The following C17orf113 variants were observed in gnomAD, a reference collection of about 807,000 sequenced individuals.
The protein encoded by C17orf113 is uncharacterized protein C17orf113.
A neutral mutation model predicts 11.6 loss-of-function variants in C17orf113; 5 were observed. The ratio of observed to expected loss-of-function variants is 0.43; its 90% confidence interval spans 0.23 to 0.91. C17orf113 has a LOEUF of 0.91. Among genes scored for constraint, C17orf113 ranks in the 40% least tolerant of loss-of-function variants. The pLI, the probability that C17orf113 is intolerant of heterozygous loss-of-function variation, is 0.26. For synonymous variants in C17orf113, 327 were observed against 390.6 expected, an observed-to-expected ratio of 0.84 and a Z score of 1.92; for missense variants, 714 against 841.3, an observed-to-expected ratio of 0.85 and a Z score of 1.87.
chr17:42,043,479 G>T lies in C17orf113; in HGVS notation c.-103C>A, dbSNP rs1194072703. 4 of 1,088,626 alleles carry T rather than the reference G, an allele frequency of 3.7e-6. No individual in the cohort carries two copies. The Admixed American group carries it at 1.7e-4, about 46-fold the overall frequency. The allele number at this position is 1,088,626 out of a possible 1,614,324, so 67.4% of individuals were successfully genotyped here. On this transcript the variant is annotated 5_prime_UTR_variant, in exon 2 of 3. Coordinates refer to ENST00000587304, the MANE Select transcript of C17orf113 (RefSeq NM_001358661.2). ...TCCCTTGACAAGGAGAGTTGATGGG[G>T]AGGCAGGCTGGGGGCAGCCCGCCAG...
intron 1 of C17orf113, among the ~76,000 whole-genome samples, chr17:42,044,569 T>C (rs1408526971): frequency 6.7e-6 from 1 of 150,238 alleles, no homozygotes; most frequent in Admixed American, 6.7e-5. Flanking sequence ...TGAGCCGAGA[T>C]CACGCTATTG....
At chr17:42,045,687 C>T (rs150765572) in intron 1 of C17orf113, among the ~76,000 whole-genome samples, 68 of 152,310 alleles carry the variant, frequency 4.5e-4, no homozygotes, top group African/African-American at 1.5e-3. Context: ...CAGGCCCTCA[C>T]GGTATCACCT....
chr17:42,041,262 C>T (rs982722505), intron 2 of C17orf113, 73 bp from the exon 3 acceptor site: 29 of 1,203,180 alleles, frequency 2.4e-5, no homozygotes, highest in East Asian at 3.2e-5. Context: ...GCAGGCAGTG[C>T]GGGGTGGTGG....
Position 42,043,471 on chromosome 17 carries a change from T to C in C17orf113, c.-95A>G. On this transcript the variant is annotated 5_prime_UTR_variant, in exon 2 of 3. Coordinates refer to ENST00000587304, the MANE Select transcript of C17orf113 (RefSeq NM_001358661.2). The stretch of plus-strand genomic sequence containing the variant: ...CAGGCACCTCCCTTGACAAGGAGAG[T>C]TGATGGGGAGGCAGGCTGGGGGCAG... 8.8e-7 allele frequency: 1 copy of C among 1,131,236 alleles called. No individual in the cohort carries two copies. The highest frequency in any genetic ancestry group is 1.1e-6 in the Non-Finnish European group (1 of 896,972). 70.1% of individuals were successfully genotyped at this position (1,131,236 alleles called of 1,614,324 possible). A position where few individuals can be genotyped will look rare whatever the true frequency, so the allele number is the denominator to read the frequency against.
In C17orf113 at chr17:42,040,250, G is replaced by C; in HGVS notation, c.1483C>G (p.Leu495Val). Reference protein sequence around the residue: ...RGLEWLRGSFLDSMRKGLQDS... With the variant: ...RGLEWLRGSFVDSMRKGLQDS... ...TGTAGGCCCTTCCGCATGGAGTCCA[G>C]GAAGGATCCCCGGAGCCACTCCAAG... Residue 495 changes from leucine (L) to valine (V), a missense_variant, in exon 3 of 3, where the codon CTG becomes GTG. Physicochemically the swap from Leu to Val is conservative, Grantham distance 32. Transcript: ENST00000587304. The C allele has an allele frequency of 8.1e-7, 1 of 1,231,630 alleles. No homozygotes were observed. The highest frequency in any genetic ancestry group is 1.0e-6 in the Non-Finnish European group (1 of 987,884). 76.3% of individuals were successfully genotyped at this position (1,231,630 alleles called of 1,614,324 possible).
At chr17:42,044,919 T>A (rs183671098) in intron 1 of C17orf113, among the ~76,000 whole-genome samples, 4 of 7,162 alleles carry the variant, frequency 5.6e-4, no homozygotes, top group East Asian at 9.7e-3. Context: ...CAACTCTACC[T>A]TTTTTTTTTT....
intron 1 of C17orf113, among the ~76,000 whole-genome samples, chr17:42,045,500 T>C (rs537956118): frequency 6.6e-6 from 1 of 152,364 alleles, no homozygotes; most frequent in South Asian, 2.1e-4. Context: ...GTGGCTGAGA[T>C]ATTATCCTTT....
chr17:42,041,305 A>G, intron 2 of C17orf113, 116 bp from the exon 3 acceptor site: 1 of 913,626 alleles, frequency 1.1e-6, no homozygotes, highest in Non-Finnish European at 1.4e-6. Flanking sequence ...AGACAGACTT[A>G]GGGACTAATC....
Position 42,040,545 on chromosome 17 carries a change from G to A in C17orf113, c.1188C>T (p.Thr396=). 7 of 1,233,144 alleles carry A rather than the reference G, an allele frequency of 5.7e-6. No individual in the cohort carries two copies. The highest frequency in any genetic ancestry group is 7.1e-6 in the Non-Finnish European group (7 of 988,768). The allele number at this position is 1,233,144 out of a possible 1,614,324, so 76.4% of individuals were successfully genotyped here. A position where few individuals can be genotyped will look rare whatever the true frequency, so the allele number is the denominator to read the frequency against. Residue 396 remains threonine (T), a synonymous_variant, in exon 3 of 3, where the codon ACC becomes ACT. Coordinates refer to ENST00000587304, the MANE Select transcript of C17orf113 (RefSeq NM_001358661.2). ...GSLALALRQF[T]FVAFTHLLLD... ...GCAGCAGGTGGGTGAAGGCCACGAA[G>A]GTGAACTGGCGCAGGGCCAGGGCCA...
At chr17:42,047,757 G>T (rs373432437) in intron 1 of C17orf113, among the ~76,000 whole-genome samples, 1 of 151,436 alleles carries the variant, frequency 6.6e-6, no homozygotes, top group African/African-American at 2.4e-5. Flanking sequence ...GGGTTCAAGC[G>T]ATTCTCCTGC....
At position 42,039,828 on chromosome 17, in the gene C17orf113, C is replaced by CA; in HGVS notation, c.1904_1905insT (p.His638ProfsTer16). 1 of 1,232,078 alleles carries CA rather than the reference C, an allele frequency of 8.1e-7. No homozygotes were observed. The highest frequency in any genetic ancestry group is 1.0e-6 in the Non-Finnish European group (1 of 988,024). 76.3% of individuals were successfully genotyped at this position (1,232,078 alleles called of 1,614,324 possible). On this transcript the variant is annotated frameshift_variant, in exon 3 of 3. Transcript: ENST00000587304. LOFTEE classifies it high-confidence loss of function. Reference sequence around the variant, plus strand: ...CTGCGATCTTCACCATGTGGCCCCCCCGGCCTTCCCCGGCCCCACTCTGCC... The same window carrying CA: ...CTGCGATCTTCACCATGTGGCCCCCCACGGCCTTCCCCGGCCCCACTCTGCC...
At chr17:42,041,940 G>A (rs2053032522) in intron 2 of C17orf113, among the ~76,000 whole-genome samples, 1 of 152,194 alleles carries the variant, frequency 6.6e-6, no homozygotes, top group Non-Finnish European at 1.5e-5. Context: ...CTGAGAGCAT[G>A]GGGACCTTGC....
chr17:42,040,383 G>A lies in C17orf113; in HGVS notation c.1350C>T (p.Leu450=). The change falls in exon 3 of 3, where the codon CTC becomes CTT. Residue 450 remains leucine (L), a synonymous_variant. Coordinates refer to ENST00000587304, the MANE Select transcript of C17orf113 (RefSeq NM_001358661.2). ...QAQRGSGGAR[L]QGFLQELASM... is the part of the protein sequence containing the mutation. Reference sequence around the variant, plus strand: ...ATGCCAGTTCCTGCAGGAAGCCCTGGAGGCGGGCCCCACCTGAGCCGCGCT... The same window carrying A: ...ATGCCAGTTCCTGCAGGAAGCCCTGAAGGCGGGCCCCACCTGAGCCGCGCT... 1 of 1,231,956 alleles carries A rather than the reference G, an allele frequency of 8.1e-7. No homozygotes were observed. The highest frequency in any genetic ancestry group is 1.0e-6 in the Non-Finnish European group (1 of 987,930). The allele number at this position is 1,231,956 out of a possible 1,614,324, so 76.3% of individuals were successfully genotyped here. A position where few individuals can be genotyped will look rare whatever the true frequency, so the allele number is the denominator to read the frequency against.
chr17:42,048,469 C>G (rs138462749), intron 1 of C17orf113, among the ~76,000 whole-genome samples: 67 of 152,002 alleles, frequency 4.4e-4, no homozygotes, highest in Non-Finnish European at 7.6e-4. Context: ...CACTTGAGCC[C>G]GAGTTTGAGA....
At position 42,040,279 on chromosome 17, in the gene C17orf113, C is replaced by G. The variant is rs1189075787; in HGVS notation, c.1454G>C (p.Arg485Pro). 1 of 1,231,672 alleles carries G rather than the reference C, an allele frequency of 8.1e-7. No individual in the cohort carries two copies. Among genetic ancestry groups the G allele is most frequent in the Non-Finnish European group, 1.0e-6 (1 of 987,894 alleles). The allele number at this position is 1,231,672 out of a possible 1,614,324, so 76.3% of individuals were successfully genotyped here. A position where few individuals can be genotyped will look rare whatever the true frequency, so the allele number is the denominator to read the frequency against. ...GGATCCCCGGAGCCACTCCAAGCCC[C>G]GGACCGCAGCCTCGGAGTAACCGAG... The part of the protein sequence containing the change: ...ELLGYSEAAV[R>P]GLEWLRGSFL... The change falls in exon 3 of 3, where the codon CGG becomes CCG. Residue 485 changes from arginine (R) to proline (P), a missense_variant. Transcript: ENST00000587304.
At position 42,050,481 on chromosome 17, in the gene C17orf113, G is replaced by C. The variant is rs1354682156; in HGVS notation, c.-188+76C>G. ...GGTCCCGCAGAGGCACTGAGCCTCC[G>C]CCCGCCCGTCCCGCCCGCTCCGGGA... is the stretch of plus-strand genomic sequence containing the variant. On this transcript the variant is annotated intron_variant, in intron 1 of 2. Transcript: ENST00000587304. The surrounding 1 kb of genome is among the most constrained non-coding windows in gnomAD (Gnocchi z 5.6). The C allele has an allele frequency of 6.6e-6, 1 of 152,102 alleles. No homozygotes were observed. Among genetic ancestry groups the C allele is most frequent in the African/African-American group, 2.4e-5 (1 of 41,404 alleles). The allele number at this position is 152,102 out of a possible 1,614,324, so 9.4% of individuals were successfully genotyped here. A position where few individuals can be genotyped will look rare whatever the true frequency, so the allele number is the denominator to read the frequency against.
rs75897136 is a variant in C17orf113 at position 42,039,981 on chromosome 17, C to T, written c.1752G>A (p.Ala584=). 13,539 of 1,231,006 alleles carry T rather than the reference C, an allele frequency of 0.011. 1,128 individuals are homozygous for T. In the African/African-American group the frequency reaches 0.18, roughly 17 times the overall value. The allele number at this position is 1,231,006 out of a possible 1,614,324, so 76.3% of individuals were successfully genotyped here. A position where few individuals can be genotyped will look rare whatever the true frequency, so the allele number is the denominator to read the frequency against. Residue 584 remains alanine, a synonymous_variant, in exon 3 of 3, where the codon GCG becomes GCA. Coordinates refer to ENST00000587304, the MANE Select transcript of C17orf113 (RefSeq NM_001358661.2). ...LGPRALCTQL[A]CAHSELHELF... ...GCTCGTGCAGCTCCGAGTGCGCGCA[C>T]GCCAGCTGGGTGCACAGGGCCCGCG...
chr17:42,042,753 C>G, intron 2 of C17orf113, 81 bp downstream of exon 2: 16 of 1,070,132 alleles, frequency 1.5e-5, no homozygotes, highest in Non-Finnish European at 1.9e-5. Context: ...CCCCAAGGAG[C>G]TGGCATGCTG....
At chr17:42,044,682 T>G (rs2053112766) in intron 1 of C17orf113, among the ~76,000 whole-genome samples, 1 of 151,974 alleles carries the variant, frequency 6.6e-6, no homozygotes, top group African/African-American at 2.4e-5. Flanking sequence ...ACAGGAAGAT[T>G]TGCTTTCTCT....
Sources: gnomAD v4.1 joint callset for allele counts (sites outside exome capture counted in the v4.1 genomes callset) on GRCh38, gnomAD v4.1.1 for gene constraint, Gnocchi (gnomAD v3.1) non-coding constraint, MANE v1.5 for transcripts, NCBI Gene and HGNC (gene_info 2026-07-23, HGNC 2026-07-21) for gene names.